The following TBX20 variants were observed in gnomAD, a reference collection of about 807,000 sequenced individuals.
TBX20 encodes the protein T-box transcription factor 20, also known as T-box transcription factor TBX20.
TBX20 carries 8 observed loss-of-function variants against 42.9 expected under a neutral mutation model. That is an observed-to-expected ratio of 0.19 (90% CI 0.11 to 0.34). The LOEUF is 0.34. Among genes scored for constraint, TBX20 ranks in the 10% least tolerant of loss-of-function variants. TBX20 has a pLI of 1.00. For missense variants in TBX20, 411 were observed against 566.0 expected (o/e 0.73, Z 2.78); for synonymous variants, 198 against 222.8 (o/e 0.89, Z 0.99).
intron 6 of TBX20, among the ~76,000 whole-genome samples, chr7:35,230,868 C>A (rs1789854818): frequency 6.6e-6 from 1 of 152,164 alleles, no homozygotes; most frequent in Non-Finnish European, 1.5e-5. Flanking sequence ...GACATTCATA[C>A]TGGGCAAAAT....
chr7:35,202,576 A>G lies in TBX20; in HGVS notation c.1198T>C (p.Ser400Pro), dbSNP rs1194593103. ...CCTTGCATGGAGCTGGCAATGGCCG[A>G]TGGTGTCAGAGGCATTCCCAGTCGG... is the stretch of plus-strand genomic sequence containing the variant. ...YSRLGMPLTP[S>P]AIASSMQGSG... Residue 400 changes from serine to proline, a missense_variant, in exon 8 of 8, where the codon TCG becomes CCG. By Grantham distance (74) the Ser-to-Pro change is moderately conservative. Around this residue, in one of 5 missense-constraint regions of TBX20, gnomAD observed 162 missense variants for 205.4 expected, o/e 0.79. Transcript: ENST00000408931. The G allele has an allele frequency of 3.1e-6, 5 of 1,614,076 alleles. No homozygotes were observed. In the South Asian group the frequency reaches 4.4e-5, roughly 14 times the overall value.
intron 6 of TBX20, among the ~76,000 whole-genome samples, chr7:35,212,747 T>C (rs1404231396): frequency 1.3e-5 from 2 of 152,202 alleles, no homozygotes; most frequent in Non-Finnish European, 2.9e-5. Context: ...TCAGGCATTA[T>C]CCCTGGGTGA....
intron 3 of TBX20, 41 bp downstream of exon 3, chr7:35,248,636 G>T (rs200561266): frequency 2.5e-6 from 4 of 1,602,546 alleles, no homozygotes; most frequent in Non-Finnish European, 3.4e-6. Flanking sequence ...TCTGACAGAT[G>T]CACTAACAGT....
intron 6 of TBX20, among the ~76,000 whole-genome samples, chr7:35,217,012 T>C (rs2532147): frequency 2.0e-5 from 3 of 151,868 alleles, no homozygotes; most frequent in Non-Finnish European, 4.4e-5. Flanking sequence ...CCACGAAATA[T>C]TTAATAAATG....
Position 35,254,070 on chromosome 7 carries a change from G to A in TBX20, c.-450C>T, listed in dbSNP as rs1790362131. 1 of 155,210 alleles carries A rather than the reference G, an allele frequency of 6.4e-6. No homozygotes were observed. Among genetic ancestry groups the A allele is most frequent in the Non-Finnish European group, 1.4e-5 (1 of 70,080 alleles). 9.6% of individuals were successfully genotyped at this position (155,210 alleles called of 1,614,324 possible). A position where few individuals can be genotyped will look rare whatever the true frequency, so the allele number is the denominator to read the frequency against. ...CGCGGCTGCTAGGACGCTGGCGTGGGGAGCGCGGCGCGGAACTACGGACAG... is the reference window on the plus strand; with the variant it reads ...CGCGGCTGCTAGGACGCTGGCGTGGAGAGCGCGGCGCGGAACTACGGACAG... On this transcript the variant is annotated 5_prime_UTR_variant, in exon 1 of 8. Transcript: ENST00000408931.
intron 6 of TBX20, among the ~76,000 whole-genome samples, chr7:35,208,737 C>T (rs1291905197): frequency 1.1e-4 from 8 of 70,290 alleles, no homozygotes; most frequent in African/African-American, 4.2e-4. Flanking sequence ...AGCGAAACTC[C>T]GTCTCAAAAA....
chr7:35,225,859 C>T (rs945051275), intron 6 of TBX20, among the ~76,000 whole-genome samples: 1 of 151,978 alleles, frequency 6.6e-6, no homozygotes, highest in African/African-American at 2.4e-5. Flanking sequence ...CAAGTAAAAA[C>T]GATTGGGATT....
intron 6 of TBX20, among the ~76,000 whole-genome samples, chr7:35,213,261 T>C (rs1562558006): frequency 6.6e-6 from 1 of 152,218 alleles, no homozygotes; most frequent in African/African-American, 2.4e-5. Flanking sequence ...AAAAGCAATG[T>C]CTCTCCAGGG....
chr7:35,209,818 A>T (rs1481680527), intron 6 of TBX20, among the ~76,000 whole-genome samples: 1 of 152,212 alleles, frequency 6.6e-6, no homozygotes, highest in Non-Finnish European at 1.5e-5. Flanking sequence ...GTAATGTTTT[A>T]GCAGAATCCT....
rs544250269 is a variant in TBX20, at chr7:35,242,495, C to A, written c.655-1458G>T. 9.2e-5 allele frequency among the ~76,000 whole-genome samples: 14 copies of A among 152,234 alleles called. No individual in the cohort carries two copies. In the South Asian group the frequency reaches 2.1e-3, roughly 23 times the overall value. On this transcript the variant is annotated intron_variant, in intron 4 of 7. Coordinates refer to ENST00000408931, the MANE Select transcript of TBX20 (RefSeq NM_001077653.2). ...AAAACCAAACATTTTCCTCCTATCA[C>A]TAATATAAGAAAAAAAAATTAACAT...
chr7:35,231,362 G>A lies in TBX20; in HGVS notation c.890+142C>T, dbSNP rs1482859301. The A allele has an allele frequency of 4.2e-5, 28 of 674,082 alleles. No individual in the cohort carries two copies. The Admixed American group carries it at 5.9e-4, about 14-fold the overall frequency. 41.8% of individuals were successfully genotyped at this position (674,082 alleles called of 1,614,324 possible). The stretch of plus-strand genomic sequence containing the variant: ...CTGTCAGACTTAAGCAGTTGCATAT[G>A]TACAAGGAATGGGGTGCAGAGAATA... On this transcript the variant is annotated intron_variant, in intron 6 of 7. Transcript: ENST00000408931.
At chr7:35,215,640 GTCTT>G (rs1223243368) in intron 6 of TBX20, among the ~76,000 whole-genome samples, 2 of 152,136 alleles carry the variant, frequency 1.3e-5, no homozygotes, top group Non-Finnish European at 2.9e-5. Flanking sequence ...TTGAAGGTCA[GTCTT>G]TCTAACATCT....
At chr7:35,214,053 T>A (rs1208113833) in intron 6 of TBX20, among the ~76,000 whole-genome samples, 1 of 152,082 alleles carries the variant, frequency 6.6e-6, no homozygotes, top group Non-Finnish European at 1.5e-5. Context: ...TAAGAAGTAT[T>A]ACTATAAGGA....
At chr7:35,232,366 A>T (rs1386869308) in intron 5 of TBX20, among the ~76,000 whole-genome samples, 1 of 152,226 alleles carries the variant, frequency 6.6e-6, no homozygotes, top group African/African-American at 2.4e-5. Flanking sequence ...CATGACTCTG[A>T]AGGAGAATAC....
At chr7:35,206,189 A>T (rs1196391094) in intron 6 of TBX20, among the ~76,000 whole-genome samples, 2 of 152,220 alleles carry the variant, frequency 1.3e-5, no homozygotes, top group Admixed American at 1.3e-4. Context: ...TCAACTAGGG[A>T]TCTTGAAACA....
chr7:35,224,540 C>T (rs559462986), intron 6 of TBX20, among the ~76,000 whole-genome samples: 44 of 152,284 alleles, frequency 2.9e-4, no homozygotes, highest in Non-Finnish European at 5.3e-4. Flanking sequence ...GACGTGGTGG[C>T]ACATGCCTGT....
chr7:35,235,590 A>T (rs369190615), intron 5 of TBX20, among the ~76,000 whole-genome samples: 1 of 152,252 alleles, frequency 6.6e-6, no homozygotes, highest in South Asian at 2.1e-4. Flanking sequence ...GGTTAGTAGT[A>T]TGTGCTTAAG....
intron 3 of TBX20, among the ~76,000 whole-genome samples, chr7:35,246,920 C>T (rs1790200626): frequency 6.6e-6 from 1 of 151,786 alleles, no homozygotes; most frequent in African/African-American, 2.4e-5. Flanking sequence ...AAAAAATATA[C>T]AGGAAGCCCC....
intron 6 of TBX20, among the ~76,000 whole-genome samples, chr7:35,212,179 T>C (rs1050712424): frequency 6.6e-6 from 1 of 152,200 alleles, no homozygotes; most frequent in Admixed American, 6.5e-5. Flanking sequence ...TTCACTAATC[T>C]TTTCATCTGC....
Sources: allele counts gnomAD v4.1 joint callset (sites outside exome capture counted in the v4.1 genomes callset), GRCh38; gene constraint gnomAD v4.1.1; regional missense constraint gnomAD v4.1.1; transcripts MANE v1.5; gene names NCBI Gene and HGNC (gene_info 2026-07-23, HGNC 2026-07-21).